Variants in NBAS observed in about 807,000 individuals in gnomAD.
NBAS encodes the protein NBAS subunit of NRZ tethering complex.
In NBAS, 219 loss-of-function variants were observed where a neutral mutation model predicts 302.5. The ratio of observed to expected loss-of-function variants is 0.72; its 90% CI spans 0.65 to 0.81. The LOEUF is 0.81. Ranked by LOEUF, NBAS falls within the 30% of genes least tolerant of loss-of-function variation. The pLI, the probability that NBAS is intolerant of heterozygous loss-of-function variation, is 0.00. For synonymous variants in NBAS, 1,118 were observed against 1,021.6 expected, an observed-to-expected ratio of 1.09 and a Z score of -1.80; for missense variants, 2,932 against 2,841.6, an observed-to-expected ratio of 1.03 and a Z score of -0.72.
At chr2:14,790,202 T>C in the NBAS span, among the ~76,000 whole-genome samples, 1 of 152,244 alleles carries the variant, frequency 6.6e-6, no homozygotes, top group African/African-American at 2.4e-5. Flanking sequence ...ACTACCCACT[T>C]ACTGCTAACT....
the NBAS span, among the ~76,000 whole-genome samples, chr2:14,832,562 A>G: frequency 4.6e-5 from 7 of 152,234 alleles, no homozygotes; most frequent in African/African-American, 1.7e-4. Flanking sequence ...TCCACCATTT[A>G]TGGACAACAC....
chr2:15,400,166 G>A (rs1676078484), intron 26 of NBAS, among the ~76,000 whole-genome samples: 1 of 151,666 alleles, frequency 6.6e-6, no homozygotes. Flanking sequence ...AACAGACACA[G>A]AGAACAATTC....
chr2:15,183,079 T>A (rs1168334535), intron 50 of NBAS, among the ~76,000 whole-genome samples: 1 of 152,186 alleles, frequency 6.6e-6, no homozygotes, highest in Non-Finnish European at 1.5e-5. Flanking sequence ...CAGATAATTT[T>A]ACCACCACAG....
the NBAS span, among the ~76,000 whole-genome samples, chr2:14,979,128 A>G: frequency 3.1e-4 from 47 of 152,352 alleles, no homozygotes; most frequent in Admixed American, 5.2e-4. Flanking sequence ...TTTTGCTTAT[A>G]AAATCCTCAG....
At chr2:15,302,415 A>C (rs1670843775) in intron 40 of NBAS, among the ~76,000 whole-genome samples, 1 of 152,114 alleles carries the variant, frequency 6.6e-6, no homozygotes, top group Non-Finnish European at 1.5e-5. Context: ...AGGCATCATC[A>C]CTGGGCCCCA....
the NBAS span, among the ~76,000 whole-genome samples, chr2:15,056,672 G>A: frequency 2.0e-4 from 31 of 152,278 alleles, no homozygotes; most frequent in Admixed American, 9.1e-4. Flanking sequence ...GTCAAAGGCA[G>A]GAAGGAACTC....
Position 15,179,077 on chromosome 2 carries a change from G to A in NBAS, c.6751C>T (p.Leu2251Phe), listed in dbSNP as rs775833927. ...AGAAGTTTCAGAGATGGAAGCAGGA[G>A]GGACTGGTTAAGCAGCAGCAGACAC... Reference protein sequence around the residue: ...ELCLLLLNQSLLLPSLKLLLE... With the variant: ...ELCLLLLNQSFLLPSLKLLLE... Residue 2251 changes from leucine to phenylalanine, a missense_variant, in exon 51 of 52, where the codon CTC (leucine) becomes TTC (phenylalanine). Physicochemically the swap from Leu to Phe is conservative, Grantham distance 22. Coordinates refer to ENST00000281513, the MANE Select transcript of NBAS (RefSeq NM_015909.4). 3.7e-6 allele frequency: 6 copies of A among 1,614,062 alleles called. No homozygotes were observed. The highest frequency in any genetic ancestry group is 1.1e-5 in the South Asian group (1 of 91,076).
At chr2:14,895,866 G>A in the NBAS span, among the ~76,000 whole-genome samples, 2 of 151,982 alleles carry the variant, frequency 1.3e-5, no homozygotes, top group East Asian at 1.9e-4. Flanking sequence ...GGAAGATGAC[G>A]GGTAAGGACT....
At chr2:15,546,622 G>GC (rs1664129264) in intron 6 of NBAS, among the ~76,000 whole-genome samples, 1 of 152,208 alleles carries the variant, frequency 6.6e-6, no homozygotes, top group African/African-American at 2.4e-5. Context: ...CCAGCTACTT[G>GC]GAGTCTGAGG....
the NBAS span, among the ~76,000 whole-genome samples, chr2:14,785,102 T>C: frequency 2.6e-5 from 4 of 152,116 alleles, no homozygotes; most frequent in Non-Finnish European, 5.9e-5. Flanking sequence ...GAGTTCACTC[T>C]TGATTTGGCT....
intron 21 of NBAS, among the ~76,000 whole-genome samples, chr2:15,437,539 G>A (rs763106972): frequency 2.0e-5 from 3 of 152,154 alleles, no homozygotes; most frequent in Non-Finnish European, 2.9e-5. Flanking sequence ...ATGTCAGTTC[G>A]ACAGAATGTG....
chr2:14,899,855 C>G, the NBAS span, among the ~76,000 whole-genome samples: 36,276 of 151,696 alleles, frequency 0.24, 4,508 homozygotes, highest in Non-Finnish European at 0.27. Flanking sequence ...AACACATCTA[C>G]AAGTTTGTGG....
At chr2:15,110,670 G>A in the NBAS span, among the ~76,000 whole-genome samples, 3 of 152,012 alleles carry the variant, frequency 2.0e-5, no homozygotes, top group Non-Finnish European at 4.4e-5. Flanking sequence ...GTACTTCTCT[G>A]GGGAATGTGA....
At chr2:15,178,063 G>T in intron 51 of NBAS, 1 of 442,446 alleles carries the variant, frequency 2.3e-6, no homozygotes, top group South Asian at 1.7e-5. Context: ...CTTTATATCA[G>T]TGATGTCTTT....
At position 15,415,592 on chromosome 2, in the gene NBAS, C is replaced by T; in HGVS notation, c.2891G>A (p.Gly964Glu). ...TATCTTCAGGGGAAATTTTAAGTCC[C>T]CTTTAGCTAAAGTTACTAAATATTC... Reference protein sequence around the residue: ...LKEYLVTLAKGDLKFPLKIFQ... With the variant: ...LKEYLVTLAKEDLKFPLKIFQ... The change falls in exon 25 of 52, where the codon GGG (glycine) becomes GAG (glutamate). Residue 964 changes from glycine to glutamate, a missense_variant. Transcript: ENST00000281513. 6.2e-7 allele frequency: 1 copy of T among 1,614,004 alleles called. No homozygotes were observed. The highest frequency in any genetic ancestry group is 8.5e-7 in the Non-Finnish European group (1 of 1,179,958).
At position 15,474,151 on chromosome 2, in the gene NBAS, T is replaced by C. The variant is rs571249079; in HGVS notation, c.1515A>G (p.Pro505=). 6.2e-7 allele frequency: 1 copy of C among 1,614,002 alleles called. No homozygotes were observed. The highest frequency in any genetic ancestry group is 1.3e-5 in the African/African-American group (1 of 74,886). ...LVTEMERFAP[P]RKRPRTITKN... ...TAGTAATGGTTCGTGGGCGTTTCCG[T>C]GGTGGTGCAAATCGCTCCATTTCAG... The change falls in exon 15 of 52, where the codon CCA becomes CCG. Residue 505 remains proline (P), a synonymous_variant. Transcript: ENST00000281513.
chr2:15,250,098 C>G (rs1272821517), intron 44 of NBAS, among the ~76,000 whole-genome samples: 1 of 152,186 alleles, frequency 6.6e-6, no homozygotes, highest in Non-Finnish European at 1.5e-5. Context: ...CAGCATGGTA[C>G]TGGTACCAAA....
Position 15,215,602 on chromosome 2 carries a change from G to A in NBAS, c.6432+3171C>T, listed in dbSNP as rs143147726. 2.1e-3 allele frequency among the ~76,000 whole-genome samples: 327 copies of A among 152,264 alleles called. 3 individuals carry two copies. The highest frequency in any genetic ancestry group is 7.3e-3 in the African/African-American group (305 of 41,560). ...CAAAGTTATCTCTGAGAATGAAGAA[G>A]GGGATAGAGAGAAAATGAAAAAAAC... On this transcript the variant is annotated intron_variant, in intron 48 of 51. Coordinates refer to ENST00000281513, the MANE Select transcript of NBAS (RefSeq NM_015909.4).
the NBAS span, among the ~76,000 whole-genome samples, chr2:14,795,199 TATGA>T: frequency 2.0e-5 from 3 of 152,224 alleles, no homozygotes; most frequent in Admixed American, 6.5e-5. Context: ...CAAAGTGTTG[TATGA>T]ATTTTGCATT....
Sources: allele counts gnomAD v4.1 joint callset (sites outside exome capture counted in the v4.1 genomes callset), GRCh38; gene constraint gnomAD v4.1.1; transcripts MANE v1.5; gene names NCBI Gene and HGNC (gene_info 2026-07-23, HGNC 2026-07-21).